The following ARID3B variants were observed in gnomAD, a reference collection of about 807,000 sequenced individuals.
The protein encoded by ARID3B is AT-rich interaction domain 3B.
A neutral mutation model predicts 51.9 loss-of-function variants in ARID3B; 10 were observed. The observed-to-expected ratio is 0.19, with a 90% CI of 0.12 to 0.33. The LOEUF is 0.33. Ranked by LOEUF, ARID3B falls within the 10% of genes least tolerant of loss-of-function variation. The probability of loss-of-function intolerance (pLI) is 1.00; values close to 1 mark genes in which losing one functional copy is unlikely to be tolerated. For missense variants in ARID3B, 483 were observed against 716.3 expected (o/e 0.67, Z 3.72); for synonymous variants, 205 against 279.5 (o/e 0.73, Z 2.66).
In ARID3B at chr15:74,572,913, A is replaced by C; in HGVS notation, c.604A>C (p.Ile202Leu). The C allele has an allele frequency of 6.2e-7, 1 of 1,614,138 alleles. No homozygotes were observed. The highest frequency in any genetic ancestry group is 1.1e-5 in the South Asian group (1 of 91,080). ...TGCAGATGGAGGCCGGGGAAGAGAG[A>C]TCTCTCGAGATTTTGCCAAGGTCTG... ...DDADGGRGREISRDFAKLYEL... is the reference protein window; with the variant it reads ...DDADGGRGRELSRDFAKLYEL... Residue 202 changes from isoleucine to leucine, a missense_variant, in exon 3 of 9, where the codon ATC (isoleucine) becomes CTC (leucine). Ile to Leu is a conservative substitution (Grantham distance 5). This residue lies in a region of ARID3B where 182 missense variants were observed against 244.5 expected (regional missense o/e 0.74). Transcript: ENST00000346246.
intron 2 of ARID3B, among the ~76,000 whole-genome samples, chr15:74,567,289 A>T (rs1407454224): frequency 6.6e-6 from 1 of 152,174 alleles, no homozygotes; most frequent in Admixed American, 6.6e-5. Context: ...CTTCAAGGCC[A>T]GCTTAACCTC....
chr15:74,544,773 C>G (rs1182769330), intron 2 of ARID3B, among the ~76,000 whole-genome samples: 1 of 151,332 alleles, frequency 6.6e-6, no homozygotes, highest in Non-Finnish European at 1.5e-5. Context: ...TCACTGCAAC[C>G]TCCATCTCCC....
At chr15:74,564,229 G>A (rs1157834297) in intron 2 of ARID3B, among the ~76,000 whole-genome samples, 1 of 152,168 alleles carries the variant, frequency 6.6e-6, no homozygotes, top group East Asian at 1.9e-4. Flanking sequence ...ACTTCCTGGG[G>A]CTCCCCTCCC....
In ARID3B at chr15:74,542,199, G is replaced by A. The variant is rs1202578885; in HGVS notation, c.-78+869G>A. Among the ~76,000 whole-genome samples the A allele has an allele frequency of 3.3e-5, 5 of 152,298 alleles. No individual in the cohort carries two copies. In the South Asian group the frequency reaches 6.2e-4, roughly 19 times the overall value. On this transcript the variant is annotated intron_variant, in intron 1 of 8. Transcript: ENST00000346246. Reference sequence around the variant, plus strand: ...TATGAGGACATTTAAAATGAACACCGAATTATTTGCTTTATTCTGTAATTT... The same window carrying A: ...TATGAGGACATTTAAAATGAACACCAAATTATTTGCTTTATTCTGTAATTT...
Position 74,544,098 on chromosome 15 carries a change from C to T in ARID3B, c.162C>T (p.Ser54=), listed in dbSNP as rs533375558. Residue 54 remains serine, a synonymous_variant, in exon 2 of 9, where the codon TCC becomes TCT. Coordinates refer to ENST00000346246, the MANE Select transcript of ARID3B (RefSeq NM_006465.4). ...TGGTCACACAGCCGACTCTCCTTTC[C>T]GCCACAGCTGGGAGACCTTCTGGCA... ...QKLVTQPTLL[S]ATAGRPSGST... 20 of 1,613,976 alleles carry T rather than the reference C, an allele frequency of 1.2e-5. No homozygotes were observed. Among genetic ancestry groups the T allele is most frequent in the East Asian group, 2.2e-5 (1 of 44,888 alleles).
At chr15:74,594,733 A>G (rs1244351132) in intron 8 of ARID3B, among the ~76,000 whole-genome samples, 1 of 152,234 alleles carries the variant, frequency 6.6e-6, no homozygotes, top group Non-Finnish European at 1.5e-5. Context: ...CAGAGAGAGG[A>G]CAGAGTGTAG....
chr15:74,560,031 T>TCAAAAAAAAAAAAAAAAAAAAAAA, intron 2 of ARID3B, among the ~76,000 whole-genome samples: 1 of 35,640 alleles, frequency 2.8e-5, no homozygotes, highest in Non-Finnish European at 4.5e-5. Context: ...CTGTCTCTAC[T>TCAAAAAAAAAAAAAAAAAAAAAAA]AAAAAAAAAA....
intron 2 of ARID3B, among the ~76,000 whole-genome samples, chr15:74,572,274 C>T (rs2061721702): frequency 6.6e-6 from 1 of 152,236 alleles, no homozygotes. Context: ...AACTCTCGCC[C>T]TAGTGGCACA....
At chr15:74,550,767 T>C (rs1298855225) in intron 2 of ARID3B, among the ~76,000 whole-genome samples, 1 of 152,094 alleles carries the variant, frequency 6.6e-6, no homozygotes, top group Non-Finnish European at 1.5e-5. Flanking sequence ...TCTAGTACTT[T>C]GGACAAGCGT....
At chr15:74,558,760 G>GT (rs981009190) in intron 2 of ARID3B, among the ~76,000 whole-genome samples, 10 of 151,642 alleles carry the variant, frequency 6.6e-5, no homozygotes, top group African/African-American at 1.5e-4. Flanking sequence ...GTTTGTTTTT[G>GT]TTTTTTTTCC....
chr15:74,583,021 C>T (rs2061767404), intron 4 of ARID3B, among the ~76,000 whole-genome samples: 1 of 149,820 alleles, frequency 6.7e-6, no homozygotes, highest in African/African-American at 2.5e-5. Context: ...TGGTGAAACC[C>T]CATCTCTACC....
chr15:74,589,643 C>T (rs183772714), intron 4 of ARID3B, among the ~76,000 whole-genome samples, 177 bp from the exon 5 acceptor site: 162 of 152,298 alleles, frequency 1.1e-3, no homozygotes, highest in Middle Eastern at 0.01. Context: ...ACAGCCTGTG[C>T]GTTGGACCTG....
Position 74,544,374 on chromosome 15 carries a change from C to A in ARID3B, c.438C>A (p.Leu146=). ...PMSNLLPAPG[L]PPHGQQAKED... is the part of the protein sequence containing the mutation. ...CCAATCTACTTCCAGCACCAGGGCT[C>A]CCACCACATGGACAACAAGCTAAAG... The change falls in exon 2 of 9, where the codon CTC becomes CTA. Residue 146 remains leucine (L), a synonymous_variant. Transcript: ENST00000346246. 6.2e-7 allele frequency: 1 copy of A among 1,613,444 alleles called. No homozygotes were observed. Among genetic ancestry groups the A allele is most frequent in the Admixed American group, 1.7e-5 (1 of 59,900 alleles).
intron 8 of ARID3B, 48 bp downstream of exon 8, chr15:74,593,284 A>G: frequency 6.4e-7 from 1 of 1,551,770 alleles, no homozygotes. Context: ...GCAGCTAGCC[A>G]CAGGGCAGCT....
intron 4 of ARID3B, among the ~76,000 whole-genome samples, chr15:74,579,351 C>T (rs555923844): frequency 3.9e-5 from 6 of 152,262 alleles, no homozygotes; most frequent in South Asian, 2.1e-4. Flanking sequence ...TGGGACGAGG[C>T]GCAGTGCCCT....
At chr15:74,592,067 T>G (rs1362558134) in intron 7 of ARID3B, among the ~76,000 whole-genome samples, 1 of 152,232 alleles carries the variant, frequency 6.6e-6, no homozygotes, top group Non-Finnish European at 1.5e-5. Flanking sequence ...AAAGCAGTTA[T>G]TCACAGAGGA....
rs1847930259 is a variant in ARID3B, at chr15:74,591,454, G to T, written c.1165+20G>T. On this transcript the variant is annotated intron_variant, in intron 6 of 8. Transcript: ENST00000346246. This position sits in a 1 kb window ranked among gnomAD's most constrained non-coding sequence, Gnocchi z 5.8. Reference sequence around the variant, plus strand: ...GGAAAGGTCAGCAGGGCTCCTGGGGGAGAAGGAAGAAAGGGAGGAAGGGAT... The same window carrying T: ...GGAAAGGTCAGCAGGGCTCCTGGGGTAGAAGGAAGAAAGGGAGGAAGGGAT... The T allele has an allele frequency of 6.3e-7, 1 of 1,597,406 alleles. No individual in the cohort carries two copies. The highest frequency in any genetic ancestry group is 8.6e-7 in the Non-Finnish European group (1 of 1,167,772).
intron 1 of ARID3B, among the ~76,000 whole-genome samples, chr15:74,541,583 G>T (rs2061595428): frequency 6.6e-6 from 1 of 152,160 alleles, no homozygotes; most frequent in African/African-American, 2.4e-5. Flanking sequence ...GAGTGGGCGC[G>T]CAGATAGGTG....
intron 2 of ARID3B, among the ~76,000 whole-genome samples, chr15:74,554,329 GC>G (rs1457942334): frequency 6.7e-6 from 1 of 149,416 alleles, no homozygotes; most frequent in Non-Finnish European, 1.5e-5. Context: ...TTGAGATGGA[GC>G]CTCTCTCTGT....
Sources: allele counts gnomAD v4.1 joint callset (sites outside exome capture counted in the v4.1 genomes callset), GRCh38; gene constraint gnomAD v4.1.1; regional missense constraint gnomAD v4.1.1; non-coding constraint Gnocchi (gnomAD v3.1); transcripts MANE v1.5; gene names NCBI Gene and HGNC (gene_info 2026-07-23, HGNC 2026-07-21).